Variants in VGLL4 observed in about 807,000 individuals in gnomAD.
The protein encoded by VGLL4 is vestigial like family member 4.
Under a neutral mutation model 21.0 loss-of-function variants are expected in VGLL4, and 7 were observed. The ratio of observed to expected loss-of-function variants is 0.33; its 90% CI spans 0.19 to 0.63. The LOEUF (loss-of-function observed/expected upper bound fraction) is 0.63, where lower values mean the gene tolerates loss of function less well. Among genes scored for constraint, VGLL4 ranks in the 20% least tolerant of loss-of-function variants. The pLI, the probability that VGLL4 is intolerant of heterozygous loss-of-function variation, is 0.78. For missense variants in VGLL4, 394 were observed against 425.7 expected (o/e 0.93, Z 0.66); for synonymous variants, 222 against 173.2 (o/e 1.28, Z -2.21).
chr3:11,665,307 G>A (rs927176073), intron 2 of VGLL4, among the ~76,000 whole-genome samples: 11 of 151,714 alleles, frequency 7.3e-5, no homozygotes, highest in African/African-American at 2.4e-4. Context: ...TAGAGACGGG[G>A]TTTCACCGTG....
chr3:11,579,431 A>G (rs1696385267), intron 2 of VGLL4, among the ~76,000 whole-genome samples: 1 of 152,190 alleles, frequency 6.6e-6, no homozygotes, highest in Non-Finnish European at 1.5e-5. Context: ...TTTCTTTTAA[A>G]ATAGTCTCAT....
At chr3:11,695,532 G>A (rs776120111) in intron 2 of VGLL4, among the ~76,000 whole-genome samples, 3 of 152,018 alleles carry the variant, frequency 2.0e-5, no homozygotes, top group Non-Finnish European at 2.9e-5. Flanking sequence ...AGGAAATAGG[G>A]GTAGATAAAA....
intron 3 of VGLL4, among the ~76,000 whole-genome samples, chr3:11,562,913 C>A (rs956015352): frequency 1.3e-5 from 2 of 152,222 alleles, no homozygotes; most frequent in Non-Finnish European, 2.9e-5. Flanking sequence ...GCTCAGGAGC[C>A]CCAAGGCACA....
chr3:11,598,972 G>A (rs1371766528), intron 2 of VGLL4, among the ~76,000 whole-genome samples: 1 of 152,156 alleles, frequency 6.6e-6, no homozygotes, highest in African/African-American at 2.4e-5. Flanking sequence ...TTATGAATCT[G>A]TCATTTATTG....
At chr3:11,581,761 A>G (rs145353564) in intron 2 of VGLL4, among the ~76,000 whole-genome samples, 17 of 152,276 alleles carry the variant, frequency 1.1e-4, no homozygotes, top group African/African-American at 3.6e-4. Flanking sequence ...AAGTGCTTTT[A>G]TTTCCCTTGT....
At chr3:11,585,517 T>C (rs2125233734) in intron 2 of VGLL4, among the ~76,000 whole-genome samples, 1 of 151,766 alleles carries the variant, frequency 6.6e-6, no homozygotes, top group South Asian at 2.1e-4. Flanking sequence ...AATTGAGGGA[T>C]CTCCCAAGAG....
At chr3:11,603,987 G>A (rs992081353) in intron 1 of VGLL4, among the ~76,000 whole-genome samples, 4 of 152,146 alleles carry the variant, frequency 2.6e-5, no homozygotes, top group African/African-American at 9.7e-5. Flanking sequence ...GCATTTTTAA[G>A]TTCATCCAAC....
intron 2 of VGLL4, among the ~76,000 whole-genome samples, chr3:11,683,553 G>C (rs1008770437): frequency 6.6e-6 from 1 of 152,206 alleles, no homozygotes; most frequent in Non-Finnish European, 1.5e-5. Flanking sequence ...CAATCGATGA[G>C]TGGATAAAGA....
chr3:11,643,812 GA>G lies in VGLL4; in HGVS notation c.-295del. On this transcript the variant is annotated 5_prime_UTR_variant, in exon 1 of 5. Transcript: ENST00000430365. ...TCCTTACAAGTCCTTCCTGGAAATG[GA>G]AAAGAGTGAAAAAGAGAAACGCGCA... is the stretch of plus-strand genomic sequence containing the variant. 1 of 1,100,700 alleles carries G rather than the reference GA, an allele frequency of 9.1e-7. No individual in the cohort carries two copies. The highest frequency in any genetic ancestry group is 1.1e-6 in the Non-Finnish European group (1 of 903,740). The allele number at this position is 1,100,700 out of a possible 1,614,324, so 68.2% of individuals were successfully genotyped here.
At chr3:11,567,381 T>A (rs1198366390) in intron 2 of VGLL4, among the ~76,000 whole-genome samples, 1 of 152,090 alleles carries the variant, frequency 6.6e-6, no homozygotes, top group Non-Finnish European at 1.5e-5. Context: ...GTTTATGGGG[T>A]TTTTTTCTTC....
chr3:11,665,673 G>C (rs1377796966), intron 2 of VGLL4, among the ~76,000 whole-genome samples: 2 of 152,234 alleles, frequency 1.3e-5, no homozygotes, highest in African/African-American at 4.8e-5. Context: ...GGCCAGGAGA[G>C]GCTGTGACAG....
chr3:11,609,664 C>T (rs946122992), intron 1 of VGLL4, among the ~76,000 whole-genome samples: 4 of 152,204 alleles, frequency 2.6e-5, no homozygotes, highest in African/African-American at 9.6e-5. Context: ...GATAAGGCGG[C>T]GTTAGCAATG....
intron 2 of VGLL4, among the ~76,000 whole-genome samples, chr3:11,652,663 C>T (rs570514178): frequency 4.6e-5 from 7 of 152,242 alleles, no homozygotes; most frequent in Non-Finnish European, 1.0e-4. Context: ...TCAAGTGATC[C>T]GCCCATCTCA....
chr3:11,647,587 C>T (rs11920572), upstream of VGLL4, among the ~76,000 whole-genome samples: 3,733 of 152,240 alleles, frequency 0.025, 137 homozygotes, highest in African/African-American at 0.083. Flanking sequence ...GCATTTTCAC[C>T]TGAATGTTGT....
chr3:11,720,586 C>A (rs1464880191), exon 1 of VGLL4: 1 of 152,308 alleles, frequency 6.6e-6, no homozygotes, highest in Non-Finnish European at 1.5e-5. Context: ...TCGGCGGCGT[C>A]CTTCCCCCGC....
At chr3:11,638,003 C>T (rs2075620291) in intron 1 of VGLL4, among the ~76,000 whole-genome samples, 2 of 152,184 alleles carry the variant, frequency 1.3e-5, no homozygotes, top group African/African-American at 2.4e-5. Context: ...TGACAAAGAT[C>T]GCCAGAAACA....
chr3:11,595,000 A>G (rs2074599468), intron 2 of VGLL4, among the ~76,000 whole-genome samples: 3 of 152,168 alleles, frequency 2.0e-5, no homozygotes, highest in South Asian at 2.1e-4. Context: ...CATCTCTACT[A>G]AAAATACAAA....
upstream of VGLL4, among the ~76,000 whole-genome samples, chr3:11,644,460 G>A (rs2075755880): frequency 6.6e-6 from 1 of 152,170 alleles, no homozygotes; most frequent in Non-Finnish European, 1.5e-5. Flanking sequence ...CACAGCAGAG[G>A]AAACAGGTTC....
chr3:11,643,353 G>C, intron 1 of VGLL4, 84 bp downstream of exon 1: 2 of 1,606,584 alleles, frequency 1.2e-6, no homozygotes, highest in Non-Finnish European at 1.7e-6. Flanking sequence ...AGGACAGCGG[G>C]CGCTTAGAAG....
Sources: gnomAD v4.1 joint callset for allele counts (sites outside exome capture counted in the v4.1 genomes callset) on GRCh38, gnomAD v4.1.1 for gene constraint, MANE v1.5 for transcripts, NCBI Gene and HGNC (gene_info 2026-07-23, HGNC 2026-07-21) for gene names.